CSMD1: variants seen among roughly 807,000 people sequenced by gnomAD.
CSMD1 encodes the protein CUB and sushi domain-containing protein 1.
CSMD1 carries 213 observed loss-of-function variants against 417.5 expected under a neutral mutation model. The ratio of observed to expected loss-of-function variants is 0.51; its 90% CI spans 0.46 to 0.57. The LOEUF is 0.57. Among genes scored for constraint, CSMD1 ranks in the 20% least tolerant of loss-of-function variants. CSMD1 has a pLI of 0.00. For synonymous variants in CSMD1, 2,862 were observed against 1,736.8 expected (o/e 1.65, Z -16.11); for missense variants, 6,923 against 4,529.7 (o/e 1.53, Z -15.17).
intron 2 of CSMD1, among the ~76,000 whole-genome samples, chr8:4,513,532 G>A (rs150867914): frequency 2.0e-4 from 31 of 152,222 alleles, no homozygotes; most frequent in Middle Eastern, 3.4e-3. Flanking sequence ...AAGAACTCTC[G>A]TTTCATGAAA....
At chr8:3,949,614 T>G (rs1468383260) in intron 5 of CSMD1, among the ~76,000 whole-genome samples, 1 of 151,832 alleles carries the variant, frequency 6.6e-6, no homozygotes, top group African/African-American at 2.4e-5. Context: ...GGTGGGTGGT[T>G]TGTTTGGGAG....
intron 2 of CSMD1, among the ~76,000 whole-genome samples, chr8:4,447,950 A>C (rs1798911260): frequency 2.0e-5 from 3 of 152,204 alleles, no homozygotes; most frequent in Admixed American, 1.3e-4. Context: ...ATATTTTTTA[A>C]AAGACAATGC....
chr8:3,517,836 C>T (rs1797345843), intron 10 of CSMD1, among the ~76,000 whole-genome samples: 2 of 152,118 alleles, frequency 1.3e-5, no homozygotes, highest in African/African-American at 2.4e-5. Flanking sequence ...ACCCAACGAC[C>T]CATCCTAGAA....
At chr8:4,406,797 G>C (rs962160652) in intron 3 of CSMD1, among the ~76,000 whole-genome samples, 8 of 152,222 alleles carry the variant, frequency 5.3e-5, no homozygotes, top group African/African-American at 1.7e-4. Context: ...TCTGGTGTTT[G>C]ATGAAGGTGA....
rs183716295 is a variant in CSMD1, at chr8:4,919,203, T to C, written c.85+75129A>G. Among the ~76,000 whole-genome samples, 58 of 152,270 alleles carry C rather than the reference T, an allele frequency of 3.8e-4. No individual in the cohort carries two copies. The East Asian group carries it at 0.01, about 27-fold the overall frequency. ...CTGTAAAACTGAAACGTACTTGAAA[T>C]TAAAACACTTTGTAATTTAGTCATA... On this transcript the variant is annotated intron_variant, in intron 1 of 69. Transcript: ENST00000635120.
chr8:4,937,773 C>A (rs1807721003), intron 1 of CSMD1, among the ~76,000 whole-genome samples: 1 of 148,000 alleles, frequency 6.8e-6, no homozygotes, highest in Admixed American at 6.8e-5. Context: ...GTTTCTCACA[C>A]AGTGGCGCGT....
chr8:3,584,981 G>A (rs1800536142), intron 9 of CSMD1, among the ~76,000 whole-genome samples: 1 of 152,156 alleles, frequency 6.6e-6, no homozygotes, highest in African/African-American at 2.4e-5. Flanking sequence ...GGACAGCCAT[G>A]TGCATTTCCT....
rs552098061 is a variant in CSMD1 at position 4,631,614 on chromosome 8, G to A, written c.302+5728C>T. On this transcript the variant is annotated intron_variant, in intron 2 of 69. Coordinates refer to ENST00000635120, the MANE Select transcript of CSMD1 (RefSeq NM_033225.6). ...TGTTAGGTAGGTTTTGTCATGGTGT[G>A]TAACCTAACTATCCACAATAAAACT... Among the ~76,000 whole-genome samples, 3 of 152,198 alleles carry A rather than the reference G, an allele frequency of 2.0e-5. No homozygotes were observed. In the East Asian group the frequency reaches 5.8e-4, roughly 29 times the overall value.
At chr8:3,459,777 G>T (rs1000753803) in intron 12 of CSMD1, among the ~76,000 whole-genome samples, 1 of 152,056 alleles carries the variant, frequency 6.6e-6, no homozygotes, top group African/African-American at 2.4e-5. Context: ...TTGGGTCCAG[G>T]AATCAGAGCA....
chr8:3,681,028 G>T (rs558646990), intron 7 of CSMD1, among the ~76,000 whole-genome samples: 4 of 152,246 alleles, frequency 2.6e-5, no homozygotes, highest in African/African-American at 9.6e-5. Context: ...AGGTATTGAT[G>T]GGACGTATCT....
At chr8:3,611,771 C>G (rs1801905627) in intron 8 of CSMD1, among the ~76,000 whole-genome samples, 1 of 151,966 alleles carries the variant, frequency 6.6e-6, no homozygotes, top group South Asian at 2.1e-4. Flanking sequence ...TGAAAGAACT[C>G]ATAACTCGAT....
chr8:4,142,950 A>G (rs1283183841), intron 3 of CSMD1, among the ~76,000 whole-genome samples: 1 of 150,730 alleles, frequency 6.6e-6, no homozygotes, highest in Non-Finnish European at 1.5e-5. Flanking sequence ...CATAAACAGA[A>G]ATACCCAGAA....
intron 23 of CSMD1, among the ~76,000 whole-genome samples, chr8:3,331,513 A>G (rs771597065): frequency 2.0e-5 from 3 of 152,192 alleles, no homozygotes; most frequent in Non-Finnish European, 4.4e-5. Context: ...CCACTCACTA[A>G]TGATAGGACC....
intron 1 of CSMD1, among the ~76,000 whole-genome samples, chr8:4,820,306 G>T (rs748928013): frequency 6.6e-5 from 10 of 152,162 alleles, no homozygotes; most frequent in African/African-American, 2.4e-4. Flanking sequence ...CAGTTAGTGC[G>T]CCATAGAAGC....
chr8:4,612,737 G>A (rs1040384860), intron 2 of CSMD1, among the ~76,000 whole-genome samples: 2 of 152,186 alleles, frequency 1.3e-5, no homozygotes, highest in Non-Finnish European at 2.9e-5. Flanking sequence ...GTTTGTGTGT[G>A]CAAATGTGTG....
chr8:3,672,413 C>A (rs903750630), intron 7 of CSMD1, among the ~76,000 whole-genome samples: 2 of 152,168 alleles, frequency 1.3e-5, no homozygotes, highest in Admixed American at 1.3e-4. Flanking sequence ...AAAACATAAA[C>A]AGTCCAGGGT....
chr8:3,940,601 A>T (rs1262767310), intron 5 of CSMD1, among the ~76,000 whole-genome samples: 1 of 151,762 alleles, frequency 6.6e-6, no homozygotes, highest in Non-Finnish European at 1.5e-5. Context: ...AAAAAAGAAC[A>T]TATACACCAC....
At chr8:3,110,445 T>G (rs1443339659) in intron 42 of CSMD1, 110 bp from the exon 43 acceptor site, 2 of 874,252 alleles carry the variant, frequency 2.3e-6, no homozygotes, top group Non-Finnish European at 3.3e-6. Flanking sequence ...TGATGGGAAA[T>G]AGGTGTGAAA....
intron 11 of CSMD1, among the ~76,000 whole-genome samples, chr8:3,471,028 G>C (rs923092099): frequency 6.6e-6 from 1 of 152,138 alleles, no homozygotes; most frequent in Non-Finnish European, 1.5e-5. Context: ...ATTTACCTGA[G>C]ATAAAAGCGC....
Sources: gnomAD v4.1 joint callset for allele counts (sites outside exome capture counted in the v4.1 genomes callset) on GRCh38, gnomAD v4.1.1 for gene constraint, MANE v1.5 for transcripts, NCBI Gene and HGNC (gene_info 2026-07-23, HGNC 2026-07-21) for gene names.